Variants in ARHGAP35 observed in about 807,000 individuals in gnomAD.
ARHGAP35 encodes Rho GTPase activating protein 35.
A neutral mutation model predicts 111.1 loss-of-function variants in ARHGAP35; 15 were observed. The observed-to-expected ratio is 0.13, with a 90% CI of 0.09 to 0.21. The LOEUF (loss-of-function observed/expected upper bound fraction) is 0.21, where lower values mean the gene tolerates loss of function less well. ARHGAP35 is among the 10% of genes least tolerant of loss of function. The pLI, the probability that ARHGAP35 is intolerant of heterozygous loss-of-function variation, is 1.00. For missense variants in ARHGAP35, 1,262 were observed against 1,873.0 expected, an observed-to-expected ratio of 0.67 and a Z score of 6.02; for synonymous variants, 643 against 710.3, an observed-to-expected ratio of 0.91 and a Z score of 1.51.
At chr19:46,976,400 G>A (rs922629062) in intron 3 of ARHGAP35, among the ~76,000 whole-genome samples, 4 of 152,140 alleles carry the variant, frequency 2.6e-5, no homozygotes, top group Admixed American at 6.5e-5. Flanking sequence ...CATTGCTAGC[G>A]GATTTCCTCA....
chr19:46,966,543 T>A (rs1002874271), intron 3 of ARHGAP35, among the ~76,000 whole-genome samples: 69 of 152,172 alleles, frequency 4.5e-4, no homozygotes, highest in African/African-American at 1.6e-3. Context: ...AGCAAGACCC[T>A]GTCCCCCACC....
At chr19:46,956,257 A>C (rs901505203) in intron 3 of ARHGAP35, among the ~76,000 whole-genome samples, 1 of 152,176 alleles carries the variant, frequency 6.6e-6, no homozygotes, top group African/African-American at 2.4e-5. Flanking sequence ...GGCAGAGGCC[A>C]CAGTAAGCTG....
Position 46,901,022 on chromosome 19 carries a change from A to AT in ARHGAP35, c.-188-17463dup, listed in dbSNP as rs538835159. Among the ~76,000 whole-genome samples the AT allele has an allele frequency of 1.0e-3, 156 of 152,312 alleles. No individual in the cohort carries two copies. The highest frequency in any genetic ancestry group is 3.6e-3 in the African/African-American group (148 of 41,562). ...TAATTGTCTGTTTCCCTCTGCTAGA[A>AT]TTTAAGTTCCATGAGGCAGGCATCT... On this transcript the variant is annotated intron_variant, in intron 1 of 6. Transcript: ENST00000672722. This position sits in a 1 kb window ranked among gnomAD's most constrained non-coding sequence, Gnocchi z 4.5.
intron 1 of ARHGAP35, among the ~76,000 whole-genome samples, chr19:46,905,734 T>C (rs1234603585): frequency 1.3e-5 from 2 of 152,082 alleles, no homozygotes; most frequent in Non-Finnish European, 2.9e-5. Flanking sequence ...GTATTTTTAG[T>C]AGAGACGAGG....
intron 1 of ARHGAP35, among the ~76,000 whole-genome samples, chr19:46,892,789 TG>T (rs2056032372): frequency 6.6e-6 from 1 of 152,052 alleles, no homozygotes. Context: ...GATTCTGAGT[TG>T]GGGCGTCTCT....
chr19:46,946,869 C>T (rs1303584511), intron 3 of ARHGAP35: 1 of 152,264 alleles, frequency 6.6e-6, no homozygotes, highest in Non-Finnish European at 1.5e-5. Flanking sequence ...GCATGAGCTC[C>T]TAAGCCCAGC....
At chr19:46,983,958 T>C (rs1028898290) in intron 3 of ARHGAP35, among the ~76,000 whole-genome samples, 2 of 152,190 alleles carry the variant, frequency 1.3e-5, no homozygotes, top group Non-Finnish European at 1.5e-5. Flanking sequence ...CCTAGAACCA[T>C]TGGAACAAGA....
At chr19:46,913,315 A>T (rs1248010567) in intron 1 of ARHGAP35, among the ~76,000 whole-genome samples, 2 of 151,608 alleles carry the variant, frequency 1.3e-5, no homozygotes, top group African/African-American at 4.9e-5. Flanking sequence ...TTCCAGGCGT[A>T]TGCTGATAGA....
intron 1 of ARHGAP35, among the ~76,000 whole-genome samples, chr19:46,865,127 T>G (rs2055848245): frequency 6.6e-6 from 1 of 152,222 alleles, no homozygotes. Flanking sequence ...TTTGCTTTCA[T>G]GATGGGATTG....
chr19:46,871,043 T>C (rs1339789063), intron 1 of ARHGAP35, among the ~76,000 whole-genome samples: 2 of 152,220 alleles, frequency 1.3e-5, no homozygotes, highest in African/African-American at 4.8e-5. Flanking sequence ...ATATTTAATA[T>C]ACAAATGTGA....
At chr19:46,927,062 A>G (rs1310719040) in intron 2 of ARHGAP35, among the ~76,000 whole-genome samples, 1 of 152,212 alleles carries the variant, frequency 6.6e-6, no homozygotes, top group Non-Finnish European at 1.5e-5. Flanking sequence ...TTTGAGACCA[A>G]ATACATAACT....
At position 46,908,314 on chromosome 19, in the gene ARHGAP35, C is replaced by G. The variant is rs892150718; in HGVS notation, c.-188-10174C>G. On this transcript the variant is annotated intron_variant, in intron 1 of 6. Coordinates refer to ENST00000672722, the MANE Select transcript of ARHGAP35 (RefSeq NM_004491.5). This position sits in a 1 kb window ranked among gnomAD's most constrained non-coding sequence, Gnocchi z 4.2. ...ATGCCAGGAAATTTCAAAGGTAAGA[C>G]TCGGCTGTTTTTTTGTATCTTGACT... Among the ~76,000 whole-genome samples, 5 of 152,132 alleles carry G rather than the reference C, an allele frequency of 3.3e-5. No individual in the cohort carries two copies. The highest frequency in any genetic ancestry group is 2.1e-4 in the South Asian group (1 of 4,822).
chr19:46,879,617 A>AATAAATAAATAAATAAATAAAT (rs899638161), intron 1 of ARHGAP35, among the ~76,000 whole-genome samples: 3 of 141,432 alleles, frequency 2.1e-5, no homozygotes, highest in Admixed American at 1.4e-4. Flanking sequence ...TAAATAAATA[A>AATAAATAAATAAATAAATAAAT]AAATAAAAAT....
intron 3 of ARHGAP35, among the ~76,000 whole-genome samples, chr19:46,940,094 G>A (rs926357232): frequency 6.6e-6 from 1 of 151,818 alleles, no homozygotes; most frequent in African/African-American, 2.4e-5. Flanking sequence ...AAATTAGGCC[G>A]GGGCGGTGGC....
At chr19:46,990,138 A>T (rs1390648754) in intron 5 of ARHGAP35, among the ~76,000 whole-genome samples, 1 of 152,208 alleles carries the variant, frequency 6.6e-6, no homozygotes, top group Non-Finnish European at 1.5e-5. Flanking sequence ...CATGTAATGA[A>T]GTTAACATGG....
At chr19:46,925,703 T>C (rs958231839) in intron 2 of ARHGAP35, among the ~76,000 whole-genome samples, 1 of 152,156 alleles carries the variant, frequency 6.6e-6, no homozygotes, top group Non-Finnish European at 1.5e-5. Context: ...GAGCTCAGGC[T>C]CTGGGAATCT....
chr19:46,923,694 G>A (rs1046010758), intron 2 of ARHGAP35, among the ~76,000 whole-genome samples: 1 of 151,816 alleles, frequency 6.6e-6, no homozygotes, highest in Non-Finnish European at 1.5e-5. Flanking sequence ...CGAGGCGGGT[G>A]GATCTCTTGA....
intron 5 of ARHGAP35, among the ~76,000 whole-genome samples, chr19:46,995,616 T>C (rs2056703140): frequency 6.6e-6 from 1 of 152,174 alleles, no homozygotes; most frequent in Admixed American, 6.5e-5. Flanking sequence ...CTGGAGTGGG[T>C]TTCTCAGCCA....
chr19:46,871,274 G>A (rs1463488460), intron 1 of ARHGAP35, among the ~76,000 whole-genome samples: 1 of 152,218 alleles, frequency 6.6e-6, no homozygotes, highest in African/African-American at 2.4e-5. Context: ...AGTGAAATGG[G>A]ACTGGTATTG....
Sources: gnomAD v4.1 joint callset for allele counts (sites outside exome capture counted in the v4.1 genomes callset) on GRCh38, gnomAD v4.1.1 for gene constraint, Gnocchi (gnomAD v3.1) non-coding constraint, MANE v1.5 for transcripts, NCBI Gene and HGNC (gene_info 2026-07-23, HGNC 2026-07-21) for gene names.